EIF2A: variants seen among roughly 807,000 people sequenced by gnomAD.
The protein encoded by EIF2A is 65 kDa eukaryotic translation initiation factor 2A.
Under a neutral mutation model 75.2 loss-of-function variants are expected in EIF2A, and 62 were observed. The ratio of observed to expected loss-of-function variants is 0.82; its 90% CI spans 0.67 to 1.02. EIF2A has a LOEUF of 1.02. Among genes scored for constraint, EIF2A ranks in the 50% least tolerant of loss-of-function variants. The pLI is 0.00. For synonymous variants in EIF2A, 207 were observed against 239.0 expected (o/e 0.87, Z 1.23); for missense variants, 611 against 677.7 (o/e 0.90, Z 1.09).
Position 150,574,214 on chromosome 3 carries a change from G to A in EIF2A, c.1384-1435G>A, listed in dbSNP as rs569322294. ...CAGTCCCATAATAATTGATATAACT[G>A]AATAAACAAAGTTTATTAATGAGAA... On this transcript the variant is annotated intron_variant, in intron 10 of 13. Coordinates refer to ENST00000460851, the MANE Select transcript of EIF2A (RefSeq NM_032025.5). 1.0e-3 allele frequency among the ~76,000 whole-genome samples: 158 copies of A among 152,210 alleles called. 2 individuals are homozygous for A. The highest frequency in any genetic ancestry group is 3.7e-3 in the African/African-American group (152 of 41,542).
rs1724286137 is a variant in EIF2A at position 150,568,028 on chromosome 3, A to G, written c.676A>G (p.Met226Val). Residue 226 changes from methionine (M) to valine (V), a missense_variant, in exon 8 of 14, where the codon ATG becomes GTG. Transcript: ENST00000460851. Reference sequence around the variant, plus strand: ...TTTCTTTAAGGCAGATAAAGTTACAATGCTGTGGAATAAAAAAGGTATGTT... The same window carrying G: ...TTTCTTTAAGGCAGATAAAGTTACAGTGCTGTGGAATAAAAAAGGTATGTT... Reference protein sequence around the residue: ...KSFFKADKVTMLWNKKATAVL... With the variant: ...KSFFKADKVTVLWNKKATAVL... The G allele has an allele frequency of 3.1e-6, 5 of 1,606,034 alleles. No individual in the cohort carries two copies. The highest frequency in any genetic ancestry group is 4.2e-6 in the Non-Finnish European group (5 of 1,177,920).
intron 11 of EIF2A, among the ~76,000 whole-genome samples, chr3:150,576,619 G>A (rs1724888651): frequency 6.6e-6 from 1 of 152,178 alleles, no homozygotes; most frequent in South Asian, 2.1e-4. Flanking sequence ...ATGGTATTAT[G>A]TAAGCATGTT....
In EIF2A at chr3:150,550,692, A is replaced by G. The variant is rs554108118; in HGVS notation, c.29-1664A>G. ...TGTAGTGAAACCTCGTCTCTACAAG[A>G]AATATAAAACTTAACATGGCTTGGT... is the stretch of plus-strand genomic sequence containing the variant. On this transcript the variant is annotated intron_variant, in intron 1 of 13. Coordinates refer to ENST00000460851, the MANE Select transcript of EIF2A (RefSeq NM_032025.5). Among the ~76,000 whole-genome samples, 13 of 152,266 alleles carry G rather than the reference A, an allele frequency of 8.5e-5. No individual in the cohort carries two copies. In the South Asian group the frequency reaches 2.5e-3, roughly 29 times the overall value.
chr3:150,581,711 C>A lies in EIF2A; in HGVS notation c.1591C>A (p.Pro531Thr), dbSNP rs1039252474. The change falls in exon 12 of 14, where the codon CCT becomes ACT. Residue 531 changes from proline (P) to threonine (T), a missense_variant. Transcript: ENST00000460851. ...TGTCTCTCAGTCAATTTCTGGGGAC[C>A]CTGAGATAGACAAAAAAATCAAGAA... Reference protein sequence around the residue: ...NTVSQSISGDPEIDKKIKNLK... With the variant: ...NTVSQSISGDTEIDKKIKNLK... 78 of 1,555,988 alleles carry A rather than the reference C, an allele frequency of 5.0e-5. No homozygotes were observed. The highest frequency in any genetic ancestry group is 6.7e-5 in the Non-Finnish European group (77 of 1,149,350).
chr3:150,562,759 A>T, intron 4 of EIF2A, 99 bp downstream of exon 4: 1 of 801,822 alleles, frequency 1.2e-6, no homozygotes, highest in Non-Finnish European at 2.0e-6. Context: ...GAAAGTAATT[A>T]GTCTTTATGA....
At chr3:150,579,455 A>G (rs1486255351) in intron 11 of EIF2A, among the ~76,000 whole-genome samples, 1 of 152,204 alleles carries the variant, frequency 6.6e-6, no homozygotes, top group Admixed American at 6.5e-5. Flanking sequence ...CACACCTGTA[A>G]TCCCAGCACT....
rs781522798 is a variant in EIF2A, at chr3:150,572,428, T to TA, written c.1283dup (p.Tyr428Ter). 34 of 1,614,002 alleles carry TA rather than the reference T, an allele frequency of 2.1e-5. No homozygotes were observed. In the South Asian group the frequency reaches 3.6e-4, roughly 17 times the overall value. ...DGIFPAKTITYQAVPSEVPNE... is the reference protein window; with the variant it reads ...DGIFPAKTIT ...AATATTTCCAGCAAAAACAATAACTTACCAAGCAGTTCCAAGTGAAGTACC... is the reference window on the plus strand; with the variant it reads ...AATATTTCCAGCAAAAACAATAACTTAACCAAGCAGTTCCAAGTGAAGTACC... The change falls in exon 10 of 14, where the codon TAC (tyrosine) becomes TAAC (stop). Residue 428 changes from tyrosine (Y) to a stop codon, truncating the protein, a stop_gained and frameshift_variant. Coordinates refer to ENST00000460851, the MANE Select transcript of EIF2A (RefSeq NM_032025.5). LOFTEE classifies it high-confidence loss of function.
intron 5 of EIF2A, 62 bp downstream of exon 5, chr3:150,563,676 A>C (rs949518985): frequency 8.3e-7 from 1 of 1,201,544 alleles, no homozygotes; most frequent in African/African-American, 1.6e-5. Flanking sequence ...TCACTGTATA[A>C]TATTTGTTTT....
chr3:150,567,777 T>A lies in EIF2A; in HGVS notation c.549+11T>A, dbSNP rs765098331. On this transcript the variant is annotated intron_variant, in intron 7 of 13. Transcript: ENST00000460851. Reference sequence around the variant, plus strand: ...CCCCAACCATACAAGGTAATTGCTGTTTTTGTTTATGTGTAATATTATGTG... The same window carrying A: ...CCCCAACCATACAAGGTAATTGCTGATTTTGTTTATGTGTAATATTATGTG... 4.5e-6 allele frequency: 7 copies of A among 1,568,404 alleles called. No homozygotes were observed. Among genetic ancestry groups the A allele is most frequent in the Non-Finnish European group, 8.6e-7 (1 of 1,156,726 alleles).
chr3:150,582,378 G>A (rs61667461), intron 12 of EIF2A, among the ~76,000 whole-genome samples: 7 of 145,850 alleles, frequency 4.8e-5, no homozygotes, highest in African/African-American at 1.8e-4. Context: ...GCAGTGGCGC[G>A]ATCTCGGCTC....
chr3:150,580,457 C>T lies in EIF2A; in HGVS notation c.1498-1161C>T, dbSNP rs1387618732. ...AATATCTAATGGTGTTGTATTCACC[C>T]TTTTTGCGACAATGTGAGATGGTAC... is the stretch of plus-strand genomic sequence containing the variant. On this transcript the variant is annotated intron_variant, in intron 11 of 13. Coordinates refer to ENST00000460851, the MANE Select transcript of EIF2A (RefSeq NM_032025.5). 8.5e-5 allele frequency among the ~76,000 whole-genome samples: 13 copies of T among 152,062 alleles called. 1 individual carries two copies.
At chr3:150,556,497 T>G (rs1723577313) in intron 2 of EIF2A, among the ~76,000 whole-genome samples, 1 of 152,194 alleles carries the variant, frequency 6.6e-6, no homozygotes. Flanking sequence ...ATGGTGGTGA[T>G]TATGTTTTTA....
chr3:150,561,522 G>A (rs974503911), intron 3 of EIF2A, among the ~76,000 whole-genome samples: 4 of 152,134 alleles, frequency 2.6e-5, no homozygotes, highest in African/African-American at 9.7e-5. Flanking sequence ...AGGTTGCTGT[G>A]AGCCAAGACT....
At position 150,585,047 on chromosome 3, in the gene EIF2A, T is replaced by A. The variant is rs888759530; in HGVS notation, c.*1136T>A. ...GATGGCATATACTAACTGTTCTGTT[T>A]GGGGCTTTTTGGTGGTGGTGTTTGT... On this transcript the variant is annotated 3_prime_UTR_variant, in exon 14 of 14. Coordinates refer to ENST00000460851, the MANE Select transcript of EIF2A (RefSeq NM_032025.5). Among the ~76,000 whole-genome samples the A allele has an allele frequency of 6.6e-6, 1 of 152,110 alleles. No homozygotes were observed. The highest frequency in any genetic ancestry group is 1.5e-5 in the Non-Finnish European group (1 of 68,016).
chr3:150,551,951 T>A (rs758924684), intron 1 of EIF2A, among the ~76,000 whole-genome samples: 16 of 152,218 alleles, frequency 1.1e-4, no homozygotes, highest in Non-Finnish European at 2.4e-4. Context: ...ACTTTTTTTA[T>A]TACTTTATAT....
At chr3:150,574,501 T>C (rs1232860396) in intron 10 of EIF2A, among the ~76,000 whole-genome samples, 1 of 152,238 alleles carries the variant, frequency 6.6e-6, no homozygotes, top group African/African-American at 2.4e-5. Context: ...AAAACAAATG[T>C]TCAGCAAATA....
At chr3:150,582,111 C>T (rs561238268) in intron 12 of EIF2A, among the ~76,000 whole-genome samples, 10 of 152,166 alleles carry the variant, frequency 6.6e-5, no homozygotes, top group African/African-American at 2.4e-4. Flanking sequence ...AGCGATTCTC[C>T]TGCCTCAGCC....
intron 1 of EIF2A, among the ~76,000 whole-genome samples, chr3:150,549,592 CA>C (rs1723219050): frequency 1.3e-5 from 2 of 152,162 alleles, no homozygotes; most frequent in South Asian, 4.1e-4. Flanking sequence ...GACATTCAAC[CA>C]AATGCCCAGC....
chr3:150,563,500 G>A lies in EIF2A; in HGVS notation c.293-15G>A, dbSNP rs1191083453. 1 of 1,537,740 alleles carries A rather than the reference G, an allele frequency of 6.5e-7. No individual in the cohort carries two copies. Among genetic ancestry groups the A allele is most frequent in the Non-Finnish European group, 8.8e-7 (1 of 1,142,200 alleles). On this transcript the variant is annotated splice_polypyrimidine_tract_variant and intron_variant, in intron 4 of 13. Coordinates refer to ENST00000460851, the MANE Select transcript of EIF2A (RefSeq NM_032025.5). Reference sequence around the variant, plus strand: ...GTTACAAGGCAATTACTGAAAAAAAGAAATTTTATTGCAGCTTCTAAAGAT... The same window carrying A: ...GTTACAAGGCAATTACTGAAAAAAAAAAATTTTATTGCAGCTTCTAAAGAT...
Sources: gnomAD v4.1 joint callset for allele counts (sites outside exome capture counted in the v4.1 genomes callset) on GRCh38, gnomAD v4.1.1 for gene constraint, MANE v1.5 for transcripts, NCBI Gene and HGNC (gene_info 2026-07-23, HGNC 2026-07-21) for gene names.